The following PCDHA13 variants were observed in gnomAD, a reference collection of about 807,000 sequenced individuals.
PCDHA13 encodes protocadherin alpha-13.
In PCDHA13, 54 loss-of-function variants were observed where a neutral mutation model predicts 64.8. That is an observed-to-expected ratio of 0.83 (90% confidence interval 0.67 to 1.04). The LOEUF is 1.04. Ranked by LOEUF, PCDHA13 falls within the 50% of genes least tolerant of loss-of-function variation. The pLI is 0.00. For synonymous variants in PCDHA13, 587 were observed against 564.4 expected (o/e 1.04, Z -0.57); for missense variants, 1,248 against 1,254.3 (o/e 0.99, Z 0.08).
chr5:140,971,210 C>G (rs192930872), intron 1 of PCDHA13, among the ~76,000 whole-genome samples: 383 of 152,274 alleles, frequency 2.5e-3, no homozygotes, highest in Non-Finnish European at 3.7e-3. Context: ...CACTGTTACC[C>G]TCCCTCTCCT....
chr5:140,922,388 CT>C (rs1233800006), intron 1 of PCDHA13, among the ~76,000 whole-genome samples: 1 of 152,148 alleles, frequency 6.6e-6, no homozygotes, highest in Non-Finnish European at 1.5e-5. Flanking sequence ...CCAAAGACTC[CT>C]TGTTTTGGAT....
At chr5:140,997,697 T>C (rs2153948518) in intron 3 of PCDHA13, among the ~76,000 whole-genome samples, 1 of 151,394 alleles carries the variant, frequency 6.6e-6, no homozygotes. Flanking sequence ...TGTGTGTGTG[T>C]ATGTTAACAA....
chr5:141,004,402 A>T (rs2098165262), intron 3 of PCDHA13, among the ~76,000 whole-genome samples: 1 of 152,188 alleles, frequency 6.6e-6, no homozygotes, highest in African/African-American at 2.4e-5. Context: ...TGGAGGAGGC[A>T]CCTGACTAGA....
intron 1 of PCDHA13, chr5:140,929,052 C>G (rs1379551578): frequency 6.2e-7 from 1 of 1,614,058 alleles, no homozygotes; most frequent in African/African-American, 1.3e-5. Context: ...GCTGCTGTCG[C>G]TCTACAGAGG....
In PCDHA13 at chr5:140,968,959, C is replaced by T. The variant is rs782079520; in HGVS notation, c.2395-9990C>T. ...TCATCATTTTGAGCATCATCAAGTG[C>T]TACCGCTACACTGCGTATGGCACTG... On this transcript the variant is annotated intron_variant, in intron 1 of 3. Transcript: ENST00000289272. The T allele has an allele frequency of 1.5e-5, 25 of 1,614,182 alleles. 1 individual carries two copies. In the Middle Eastern group the frequency reaches 1.8e-3, roughly 117 times the overall value.
At chr5:140,906,693 G>T (rs887867103) in intron 1 of PCDHA13, among the ~76,000 whole-genome samples, 3 of 152,082 alleles carry the variant, frequency 2.0e-5, no homozygotes, top group African/African-American at 7.2e-5. Flanking sequence ...GAAGGATCTG[G>T]GCCATTTGTA....
chr5:140,887,004 C>T (rs1341039143), intron 1 of PCDHA13, among the ~76,000 whole-genome samples: 1 of 152,066 alleles, frequency 6.6e-6, no homozygotes, highest in African/African-American at 2.4e-5. Flanking sequence ...GTTGGTATCA[C>T]TTTCCTACTG....
chr5:141,008,594 C>A (rs1018305560), intron 3 of PCDHA13, among the ~76,000 whole-genome samples: 1 of 152,214 alleles, frequency 6.6e-6, no homozygotes, highest in African/African-American at 2.4e-5. Context: ...GCAGATTTCA[C>A]CTCCTCTGGA....
chr5:140,978,061 A>G (rs1307101965), intron 1 of PCDHA13, among the ~76,000 whole-genome samples: 1 of 152,202 alleles, frequency 6.6e-6, no homozygotes, highest in Non-Finnish European at 1.5e-5. Flanking sequence ...ATGATGTCCC[A>G]GTGATTTCTG....
intron 1 of PCDHA13, chr5:140,968,967 A>G (rs782494657): frequency 2.5e-6 from 4 of 1,614,216 alleles, no homozygotes; most frequent in East Asian, 2.2e-5. Context: ...TGCTACCGCT[A>G]CACTGCGTAT....
chr5:140,906,021 A>G (rs1422492231), intron 1 of PCDHA13, among the ~76,000 whole-genome samples: 1 of 152,182 alleles, frequency 6.6e-6, no homozygotes, highest in African/African-American at 2.4e-5. Context: ...TAATCTCTCC[A>G]CGTTCTTCTG....
chr5:140,992,676 G>A (rs2097524186), intron 3 of PCDHA13, among the ~76,000 whole-genome samples: 1 of 152,146 alleles, frequency 6.6e-6, no homozygotes, highest in African/African-American at 2.4e-5. Flanking sequence ...GTATGTGTGT[G>A]TTAGGGGTTG....
chr5:140,911,404 A>G (rs2075457175), intron 1 of PCDHA13, among the ~76,000 whole-genome samples: 1 of 152,174 alleles, frequency 6.6e-6, no homozygotes, highest in African/African-American at 2.4e-5. Flanking sequence ...CAGGTCAGCC[A>G]CTGGTATGAT....
At chr5:140,991,640 T>C (rs1315335320) in intron 3 of PCDHA13, among the ~76,000 whole-genome samples, 1 of 152,194 alleles carries the variant, frequency 6.6e-6, no homozygotes, top group Non-Finnish European at 1.5e-5. Flanking sequence ...AACAATCTGT[T>C]CATGACAATT....
intron 3 of PCDHA13, among the ~76,000 whole-genome samples, chr5:140,993,224 G>A (rs547665525): frequency 6.6e-6 from 1 of 152,210 alleles, no homozygotes; most frequent in East Asian, 1.9e-4. Context: ...TTTTTGGTAT[G>A]TTCTCTCTGA....
rs1010543120 is a variant in PCDHA13 at position 140,882,140 on chromosome 5, T to C, written c.-129T>C. 7.4e-6 allele frequency: 11 copies of C among 1,490,760 alleles called. No individual in the cohort carries two copies. Among genetic ancestry groups the C allele is most frequent in the Admixed American group, 4.6e-5 (2 of 43,774 alleles). 92.3% of individuals were successfully genotyped at this position (1,490,760 alleles called of 1,614,324 possible). A position where few individuals can be genotyped will look rare whatever the true frequency, so the allele number is the denominator to read the frequency against. On this transcript the variant is annotated 5_prime_UTR_variant, in exon 1 of 4. Transcript: ENST00000289272. The stretch of plus-strand genomic sequence containing the variant: ...CGTTTCTTTCTTCCTGCAGAAAATA[T>C]AGCAGAAAGCGGAATACCTCTTGCG...
chr5:140,963,312 TG>T (rs2153735087), intron 1 of PCDHA13, among the ~76,000 whole-genome samples: 1 of 152,332 alleles, frequency 6.6e-6, no homozygotes, highest in African/African-American at 2.4e-5. Flanking sequence ...AGAAGCTGTT[TG>T]TATTAGAATT....
At chr5:140,931,947 T>C (rs782000891) in intron 1 of PCDHA13, among the ~76,000 whole-genome samples, 1 of 151,972 alleles carries the variant, frequency 6.6e-6, no homozygotes, top group Non-Finnish European at 1.5e-5. Context: ...GTCTGAGTCT[T>C]ACAGAATCAT....
intron 1 of PCDHA13, chr5:140,969,064 C>G: frequency 6.2e-7 from 1 of 1,614,136 alleles, no homozygotes; most frequent in Non-Finnish European, 8.5e-7. Context: ...ATATTGATGC[C>G]AGGATACCGC....
Sources: gnomAD v4.1 joint callset for allele counts (sites outside exome capture counted in the v4.1 genomes callset) on GRCh38, gnomAD v4.1.1 for gene constraint, MANE v1.5 for transcripts, NCBI Gene and HGNC (gene_info 2026-07-23, HGNC 2026-07-21) for gene names.